The following PIEZO1 variants were observed in gnomAD, a reference collection of about 807,000 sequenced individuals.
PIEZO1 encodes piezo-type mechanosensitive ion channel component 1.
PIEZO1 carries 296 observed loss-of-function variants against 297.2 expected under a neutral mutation model. The observed-to-expected ratio is 1.00, with a 90% CI of 0.91 to 1.10. The LOEUF (loss-of-function observed/expected upper bound fraction) is 1.10, where lower values mean the gene tolerates loss of function less well. PIEZO1 is among the 50% of genes least tolerant of loss of function. The probability of loss-of-function intolerance (pLI) is 0.00; values close to 1 mark genes in which losing one functional copy is unlikely to be tolerated. For synonymous variants in PIEZO1, 2,427 were observed against 1,507.5 expected (o/e 1.61, Z -14.13); for missense variants, 5,018 against 3,455.5 (o/e 1.45, Z -11.34).
intron 2 of PIEZO1, among the ~76,000 whole-genome samples, chr16:88,747,133 A>C (rs558778814): frequency 6.6e-6 from 1 of 152,208 alleles, no homozygotes; most frequent in South Asian, 2.1e-4. Context: ...TGGTAGGCTA[A>C]GGCAGGAGGA....
rs79725479 is a variant in PIEZO1, at chr16:88,747,790, G to C, written c.160+1594C>G. Among the ~76,000 whole-genome samples, 1,157 of 152,304 alleles carry C rather than the reference G, an allele frequency of 7.6e-3. 31 individuals are homozygous for C. The East Asian group carries it at 0.091, about 12-fold the overall frequency. On this transcript the variant is annotated intron_variant, in intron 2 of 50. Transcript: ENST00000301015. ...GAAGTCGGCCTGGATTAGCCGGGGA[G>C]GCAGATGGGACGAAGCCACAGGGTT...
At chr16:88,766,125 G>C (rs573769086) in intron 1 of PIEZO1, among the ~76,000 whole-genome samples, 1 of 152,190 alleles carries the variant, frequency 6.6e-6, no homozygotes, top group Non-Finnish European at 1.5e-5. Context: ...ATGTGTCAGC[G>C]CTGCTGGGCC....
At chr16:88,723,563 G>A (rs1431704299) in intron 31 of PIEZO1, among the ~76,000 whole-genome samples, 2 of 152,256 alleles carry the variant, frequency 1.3e-5, no homozygotes, top group East Asian at 3.8e-4. Context: ...GCCCAAAGAT[G>A]GACCCAGGAC....
intron 1 of PIEZO1, among the ~76,000 whole-genome samples, chr16:88,773,926 C>T (rs1046066798): frequency 4.6e-5 from 7 of 152,196 alleles, no homozygotes; most frequent in African/African-American, 1.4e-4. Flanking sequence ...CATCCCTGAC[C>T]ACCAACACCT....
At chr16:88,759,611 T>C (rs1311902710) in intron 1 of PIEZO1, among the ~76,000 whole-genome samples, 1 of 152,212 alleles carries the variant, frequency 6.6e-6, no homozygotes, top group Non-Finnish European at 1.5e-5. Context: ...TGCCCTGCTC[T>C]GCAAGGGAGC....
intron 1 of PIEZO1, among the ~76,000 whole-genome samples, chr16:88,776,373 G>A (rs1262516142): frequency 1.3e-5 from 2 of 152,144 alleles, no homozygotes; most frequent in Non-Finnish European, 2.9e-5. Flanking sequence ...GGCAGAGCTT[G>A]CAGTGAGCCC....
At position 88,723,890 on chromosome 16, in the gene PIEZO1, G is replaced by A. The variant is rs34873950; in HGVS notation, c.4316C>T (p.Ser1439Leu). ...CCTCACCTGGAAGGCACTCTGTGCC[G>A]ACGGCCTCGGGTCTTCAGGAACAGC... ...EEAVPEDPRP[S>L]AQSAFQLAYQ... Residue 1439 changes from serine (S) to leucine (L), a missense_variant, in exon 31 of 51, where the codon TCG (serine) becomes TTG (leucine). Coordinates refer to ENST00000301015, the MANE Select transcript of PIEZO1 (RefSeq NM_001142864.4). 1.4e-4 allele frequency: 214 copies of A among 1,545,092 alleles called. 1 individual carries two copies. In the African/African-American group the frequency reaches 2.5e-3, roughly 18 times the overall value.
chr16:88,720,511 C>T lies in PIEZO1; in HGVS notation c.5823G>A (p.Pro1941=), dbSNP rs1181207370. The change falls in exon 41 of 51, where the codon CCG becomes CCA. Residue 1941 remains proline (P), a synonymous_variant. Transcript: ENST00000301015. ...GGATGTCGTGGAAGAAGCGCCGTAG[C>T]GGCCGATATGTGCCCTGGGCCCTGC... ...CLSLAQGTYR[P]LRRFFHDILH... The T allele has an allele frequency of 1.5e-5, 23 of 1,550,072 alleles. No individual in the cohort carries two copies. The highest frequency in any genetic ancestry group is 1.2e-4 in the East Asian group (5 of 40,942).
intron 43 of PIEZO1, 40 bp from the exon 44 acceptor site, chr16:88,719,761 T>A (rs752338911): frequency 3.2e-6 from 5 of 1,550,110 alleles, no homozygotes; most frequent in Non-Finnish European, 3.5e-6. Context: ...GGCTCCCTCA[T>A]GCCCGGGCCG....
At chr16:88,768,038 C>A (rs1907252911) in intron 1 of PIEZO1, among the ~76,000 whole-genome samples, 1 of 152,240 alleles carries the variant, frequency 6.6e-6, no homozygotes, top group South Asian at 2.1e-4. Flanking sequence ...GACCAGACCC[C>A]TTAAAGCAGA....
rs1400954584 is a variant in PIEZO1 at position 88,723,124 on chromosome 16, G to C, written c.4466C>G (p.Pro1489Arg). ...CGCTGCCTCCTCGGGGCCCTCTGCTGGCTCCACCTCCTGGCTGGGACCACC... is the reference window on the plus strand; with the variant it reads ...CGCTGCCTCCTCGGGGCCCTCTGCTCGCTCCACCTCCTGGCTGGGACCACC... Reference protein sequence around the residue: ...TGGGPSQEVEPAEGPEEAAAG... With the variant: ...TGGGPSQEVERAEGPEEAAAG... The change falls in exon 33 of 51, where the codon CCA (proline) becomes CGA (arginine). Residue 1489 changes from proline to arginine, a missense_variant. Transcript: ENST00000301015. 1 of 1,548,926 alleles carries C rather than the reference G, an allele frequency of 6.5e-7. No homozygotes were observed. Among genetic ancestry groups the C allele is most frequent in the South Asian group, 1.2e-5 (1 of 84,058 alleles).
intron 44 of PIEZO1, chr16:88,718,235 C>CAT (rs1221257149): frequency 6.5e-6 from 1 of 154,614 alleles, no homozygotes; most frequent in Non-Finnish European, 1.4e-5. Context: ...ACAAAAAAGA[C>CAT]ATAGTAACAG....
rs113700874 is a variant in PIEZO1, at chr16:88,715,376, T to TA, written c.*228dup. 8,154 of 1,051,386 alleles carry TA rather than the reference T, an allele frequency of 7.8e-3. No individual in the cohort carries two copies. The highest frequency in any genetic ancestry group is 8.8e-3 in the Non-Finnish European group (6,743 of 764,720). 65.1% of individuals were successfully genotyped at this position (1,051,386 alleles called of 1,614,324 possible). ...TTGTATAAATAAAACATTTTTTAATTAAAAAAAAAACTCTACAGTACACGT... is the reference window on the plus strand; with the variant it reads ...TTGTATAAATAAAACATTTTTTAATTAAAAAAAAAAACTCTACAGTACACGT... On this transcript the variant is annotated 3_prime_UTR_variant, in exon 51 of 51. Transcript: ENST00000301015.
At position 88,733,656 on chromosome 16, in the gene PIEZO1, G is replaced by C; in HGVS notation, c.2419C>G (p.Arg807Gly). ...AAAACGTGAAGCTCCAGCAGCCGCC[G>C]CAGGAACACCTGCACGCGTGAGAGG... Reference protein sequence around the residue: ...DVLSRVQVFLRRLLELHVFKL... With the variant: ...DVLSRVQVFLGRLLELHVFKL... The change falls in exon 18 of 51, where the codon CGG becomes GGG. Residue 807 changes from arginine to glycine, a missense_variant. Coordinates refer to ENST00000301015, the MANE Select transcript of PIEZO1 (RefSeq NM_001142864.4). 6.5e-7 allele frequency: 1 copy of C among 1,549,674 alleles called. No individual in the cohort carries two copies. Among genetic ancestry groups the C allele is most frequent in the South Asian group, 1.2e-5 (1 of 84,006 alleles).
chr16:88,717,267 C>T (rs568551969), intron 44 of PIEZO1, 56 bp from the exon 45 acceptor site: 5 of 1,449,930 alleles, frequency 3.4e-6, no homozygotes, highest in South Asian at 1.2e-5. Context: ...GCGGGTCACA[C>T]AACCGCATTC....
chr16:88,721,953 AG>A lies in PIEZO1; in HGVS notation c.5068del (p.Leu1690SerfsTer42). 6.5e-7 allele frequency: 1 copy of A among 1,550,148 alleles called. No homozygotes were observed. Among genetic ancestry groups the A allele is most frequent in the Non-Finnish European group, 8.7e-7 (1 of 1,146,818 alleles). ...YQCVAAHSEL[L>X]CYFIIILNHM... ...GTTGAGGATGATGATGAAGTAGCAG[AG>A]CAGCTCCGAGTGGGCGGCCACACAC... On this transcript the variant is annotated frameshift_variant, in exon 37 of 51. Transcript: ENST00000301015. LOFTEE classifies it high-confidence loss of function.
In PIEZO1 at chr16:88,720,722, CCTCTTCTTCCTCCCT is replaced by C; in HGVS notation, c.5680_5694del (p.Arg1894_Glu1898del). On this transcript the variant is annotated inframe_deletion, in exon 40 of 51. Transcript: ENST00000301015. ...GTGGGGGCCTCTTTCTCTTCCTCCC[CCTCTTCTTCCTCCCT>C]GTCCTCAGCTTCTGTAGGGAAAAGC... 6.6e-7 allele frequency: 1 copy of C among 1,523,886 alleles called. No individual in the cohort carries two copies. The highest frequency in any genetic ancestry group is 1.3e-5 in the South Asian group (1 of 79,882). The allele number at this position is 1,523,886 out of a possible 1,614,324, so 94.4% of individuals were successfully genotyped here. A position where few individuals can be genotyped will look rare whatever the true frequency, so the allele number is the denominator to read the frequency against.
rs1318145586 is a variant in PIEZO1 at position 88,733,424 on chromosome 16, G to A, written c.2518C>T (p.Leu840=). ...VSVMNLLLVV[L]WAFALPYPRF... ...GGGTAGGGCAGGGCGAAGGCCCACAGCACCACCAGCAGCAGGTTCATCACC... is the reference window on the plus strand; with the variant it reads ...GGGTAGGGCAGGGCGAAGGCCCACAACACCACCAGCAGCAGGTTCATCACC... Residue 840 remains leucine, a synonymous_variant, in exon 19 of 51, where the codon CTG becomes TTG. Coordinates refer to ENST00000301015, the MANE Select transcript of PIEZO1 (RefSeq NM_001142864.4). The A allele has an allele frequency of 4.5e-6, 7 of 1,549,524 alleles. No individual in the cohort carries two copies. The South Asian group carries it at 7.1e-5, about 16-fold the overall frequency.
intron 2 of PIEZO1, among the ~76,000 whole-genome samples, 164 bp downstream of exon 2, chr16:88,749,220 A>G (rs1313641827): frequency 1.3e-5 from 2 of 151,782 alleles, no homozygotes; most frequent in African/African-American, 2.4e-5. Flanking sequence ...AGCCTGGGCG[A>G]CTGAGCGAGA....
Sources: gnomAD v4.1 joint callset for allele counts (sites outside exome capture counted in the v4.1 genomes callset) on GRCh38, gnomAD v4.1.1 for gene constraint, MANE v1.5 for transcripts, NCBI Gene and HGNC (gene_info 2026-07-23, HGNC 2026-07-21) for gene names.